Variants in DKKL1 observed in about 807,000 individuals in gnomAD.
DKKL1 encodes dickkopf-like protein 1.
In DKKL1, 11 loss-of-function variants were observed where a neutral mutation model predicts 16.5. The observed-to-expected ratio is 0.67, with a 90% CI of 0.42 to 1.10. The LOEUF is 1.10. DKKL1 is among the 50% of genes least tolerant of loss of function. The pLI is 0.00. For synonymous variants in DKKL1, 119 were observed against 133.2 expected (o/e 0.89, Z 0.73); for missense variants, 320 against 308.1 (o/e 1.04, Z -0.29).
At position 49,374,745 on chromosome 19, in the gene DKKL1, T is replaced by C; in HGVS notation, c.446T>C (p.Leu149Pro). The C allele has an allele frequency of 6.4e-7, 1 of 1,560,302 alleles. No individual in the cohort carries two copies. Among genetic ancestry groups the C allele is most frequent in the Admixed American group, 1.9e-5 (1 of 53,814 alleles). ...CCCAGGATGGAGGAGAAGGAGGCCC[T>C]GGTACCCATCCAGAAGGCCACGGAC... ...KVPRMEEKEA[L>P]VPIQKATDSF... is the part of the protein sequence containing the mutation. The change falls in exon 5 of 5, where the codon CTG becomes CCG. Residue 149 changes from leucine (L) to proline (P), a missense_variant. Physicochemically the swap from Leu to Pro is moderately conservative, Grantham distance 98. Transcript: ENST00000221498.
chr19:49,375,113 C>A lies in DKKL1; in HGVS notation c.*85C>A. ...ATGGAAATAAAGTTCTTTCTTACATCTAACAACACCATCTCCTTTCACTAT... is the reference window on the plus strand; with the variant it reads ...ATGGAAATAAAGTTCTTTCTTACATATAACAACACCATCTCCTTTCACTAT... On this transcript the variant is annotated 3_prime_UTR_variant, in exon 5 of 5. Transcript: ENST00000221498. 1 of 1,397,324 alleles carries A rather than the reference C, an allele frequency of 7.2e-7. No individual in the cohort carries two copies. Among genetic ancestry groups the A allele is most frequent in the Non-Finnish European group, 9.6e-7 (1 of 1,046,060 alleles). The allele number at this position is 1,397,324 out of a possible 1,614,324, so 86.6% of individuals were successfully genotyped here. A position where few individuals can be genotyped will look rare whatever the true frequency, so the allele number is the denominator to read the frequency against.
intron 4 of DKKL1, among the ~76,000 whole-genome samples, chr19:49,367,449 C>T (rs1456258015): frequency 6.6e-6 from 1 of 151,002 alleles, no homozygotes; most frequent in African/African-American, 2.4e-5. Flanking sequence ...GCTCGTCCCC[C>T]AGGCTGGAGT....
At position 49,365,526 on chromosome 19, in the gene DKKL1, C is replaced by T. The variant is rs759271501; in HGVS notation, c.201C>T (p.Gly67=). 3.1e-6 allele frequency: 5 copies of T among 1,610,646 alleles called. No individual in the cohort carries two copies. The highest frequency in any genetic ancestry group is 4.2e-6 in the Non-Finnish European group (5 of 1,178,342). ...GGCCCCAGGGTAACCTGCTTCGGGG[C>T]ATAGACAGCTTATTCTCTGCCCCCA... ...RLFLKGNLLR[G]IDSLFSAPMD... Residue 67 remains glycine, a synonymous_variant, in exon 3 of 5, where the codon GGC becomes GGT. Coordinates refer to ENST00000221498, the MANE Select transcript of DKKL1 (RefSeq NM_014419.4).
At chr19:49,373,966 A>G (rs1973617243) in intron 4 of DKKL1, among the ~76,000 whole-genome samples, 4 of 151,728 alleles carry the variant, frequency 2.6e-5, no homozygotes, top group East Asian at 1.9e-4. Context: ...CTCAACTCAA[A>G]GCTGTCCTTG....
chr19:49,374,241 C>T (rs2146807878), intron 4 of DKKL1, among the ~76,000 whole-genome samples: 1 of 152,348 alleles, frequency 6.6e-6, no homozygotes, highest in Non-Finnish European at 1.5e-5. Context: ...CAGCCTCGGC[C>T]TCCCACAGTG....
At chr19:49,366,216 C>T (rs544074441) in intron 4 of DKKL1, among the ~76,000 whole-genome samples, 1 of 152,170 alleles carries the variant, frequency 6.6e-6, no homozygotes, top group African/African-American at 2.4e-5. Context: ...CAGGCATGAG[C>T]CACCATGCCT....
At chr19:49,373,841 G>A (rs541889199) in intron 4 of DKKL1, among the ~76,000 whole-genome samples, 66 of 152,258 alleles carry the variant, frequency 4.3e-4, no homozygotes, top group Non-Finnish European at 7.2e-4. Flanking sequence ...AAGGCAGACT[G>A]ATTCAGCAGG....
chr19:49,363,752 G>C (rs2288479), upstream of DKKL1: 311,485 of 578,964 alleles, frequency 0.54, 86,002 homozygotes, highest in African/African-American at 0.74. Context: ...GGGCGTGGCT[G>C]TGTCACCAAG....
At chr19:49,371,175 G>C (rs1185454050) in intron 4 of DKKL1, 1 of 152,262 alleles carries the variant, frequency 6.6e-6, no homozygotes, top group Non-Finnish European at 1.5e-5. Context: ...AACCCAGTGA[G>C]TTCAAGGAGG....
chr19:49,364,616 G>A lies in DKKL1; in HGVS notation c.45G>A (p.Leu15=). ...SPPAPARRHL[L]VLLLLLSTLV... ...CTGCCCCCGCAAGGCGGCATCTGCT[G>A]GTCCTGCTGCTGCTCCTCTCTACCC... Residue 15 remains leucine, a synonymous_variant, in exon 2 of 5, where the codon CTG becomes CTA. Transcript: ENST00000221498. 6.2e-7 allele frequency: 1 copy of A among 1,613,162 alleles called. No homozygotes were observed. The highest frequency in any genetic ancestry group is 8.5e-7 in the Non-Finnish European group (1 of 1,179,998).
chr19:49,374,312 A>G (rs1246741048), intron 4 of DKKL1, among the ~76,000 whole-genome samples: 1 of 152,178 alleles, frequency 6.6e-6, no homozygotes, highest in East Asian at 1.9e-4. Flanking sequence ...TTCAGGATCA[A>G]TGAAGGATCA....
At chr19:49,364,272 G>A (rs1304140620) in intron 1 of DKKL1, among the ~76,000 whole-genome samples, 1 of 150,858 alleles carries the variant, frequency 6.6e-6, no homozygotes, top group Non-Finnish European at 1.5e-5. Flanking sequence ...AATCACCTGA[G>A]CCCGGGGAGG....
chr19:49,364,555 G>C, intron 1 of DKKL1, 27 bp from the exon 2 acceptor site: 1 of 1,594,922 alleles, frequency 6.3e-7, no homozygotes, highest in East Asian at 2.2e-5. Context: ...CCACTGTGCG[G>C]GGCTCTGACC....
intron 3 of DKKL1, 62 bp from the exon 4 acceptor site, chr19:49,365,731 G>A (rs1020659704): frequency 6.2e-7 from 1 of 1,602,598 alleles, no homozygotes; most frequent in African/African-American, 1.3e-5. Context: ...TATCTGTTGG[G>A]AGGGAAGGAG....
chr19:49,365,962 C>T (rs1004341436), intron 4 of DKKL1, 77 bp downstream of exon 4: 3 of 1,389,154 alleles, frequency 2.2e-6, no homozygotes, highest in Non-Finnish European at 3.0e-6. Flanking sequence ...GAGTCTCACT[C>T]TGTCACCCAG....
chr19:49,364,831 C>T, intron 2 of DKKL1, 77 bp downstream of exon 2: 1 of 1,534,714 alleles, frequency 6.5e-7, no homozygotes, highest in Non-Finnish European at 8.8e-7. Flanking sequence ...TGGTTCAGGG[C>T]CAGGCAGGGG....
At chr19:49,371,328 T>C (rs1180346668) in intron 4 of DKKL1, among the ~76,000 whole-genome samples, 1 of 152,194 alleles carries the variant, frequency 6.6e-6, no homozygotes, top group African/African-American at 2.4e-5. Context: ...CGTGAGAGTT[T>C]TGGGGATTTT....
Position 49,363,880 on chromosome 19 carries a change from C to A in DKKL1, c.-119C>A. On this transcript the variant is annotated 5_prime_UTR_variant, in exon 1 of 5. Coordinates refer to ENST00000221498, the MANE Select transcript of DKKL1 (RefSeq NM_014419.4). ...AGCGCAACCAACGCTCTAGACCAGA[C>A]CTGGGCTCGAGACCATAACTGTTTG... 7 of 1,418,704 alleles carry A rather than the reference C, an allele frequency of 4.9e-6. No homozygotes were observed. The highest frequency in any genetic ancestry group is 6.8e-6 in the Non-Finnish European group (7 of 1,031,310). The allele number at this position is 1,418,704 out of a possible 1,614,324, so 87.9% of individuals were successfully genotyped here.
At chr19:49,366,014 G>A (rs982752963) in intron 4 of DKKL1, 129 bp downstream of exon 4, 9 of 783,058 alleles carry the variant, frequency 1.1e-5, no homozygotes, top group Middle Eastern at 2.9e-4. Context: ...TGCAACCTCC[G>A]CCTCCGAAGT....
Sources: allele counts gnomAD v4.1 joint callset (sites outside exome capture counted in the v4.1 genomes callset), GRCh38; gene constraint gnomAD v4.1.1; transcripts MANE v1.5; gene names NCBI Gene and HGNC (gene_info 2026-07-23, HGNC 2026-07-21).